GRIA1: variants seen among roughly 807,000 people sequenced by gnomAD.
The protein encoded by GRIA1 is glutamate ionotropic receptor AMPA type subunit 1, also known as glutamate receptor 1.
In GRIA1, 31 loss-of-function variants were observed where a neutral mutation model predicts 99.2. The ratio of observed to expected loss-of-function variants is 0.31; its 90% CI spans 0.23 to 0.42. The LOEUF is 0.42. Ranked by LOEUF, GRIA1 falls within the 10% of genes least tolerant of loss-of-function variation. The pLI is 1.00. For missense variants in GRIA1, 782 were observed against 1,157.5 expected (o/e 0.68, Z 4.71); for synonymous variants, 438 against 432.4 (o/e 1.01, Z -0.16).
At chr5:153,662,305 C>A (rs985493798) in intron 5 of GRIA1, among the ~76,000 whole-genome samples, 4 of 152,200 alleles carry the variant, frequency 2.6e-5, no homozygotes, top group Admixed American at 6.5e-5. Flanking sequence ...GCAAGAAGGA[C>A]TAAGAAGCAT....
rs1426434279 is a variant in GRIA1 at position 153,645,293 on chromosome 5, G to A, written c.221-1635G>A. Among the ~76,000 whole-genome samples, 3 of 152,074 alleles carry A rather than the reference G, an allele frequency of 2.0e-5. No individual in the cohort carries two copies. In the East Asian group the frequency reaches 5.8e-4, roughly 29 times the overall value. ...TGCAGATGGTATGCTGGTTTTCAGT[G>A]GGAGTAGGACAGATGGGTTATATGG... On this transcript the variant is annotated intron_variant, in intron 2 of 15. Coordinates refer to ENST00000285900, the MANE Select transcript of GRIA1 (RefSeq NM_000827.4).
chr5:153,507,735 A>G (rs370564885), intron 2 of GRIA1, among the ~76,000 whole-genome samples: 32 of 152,260 alleles, frequency 2.1e-4, no homozygotes, highest in African/African-American at 7.2e-4. Context: ...CTGATCATCA[A>G]GCTTCTTGTC....
intron 11 of GRIA1, among the ~76,000 whole-genome samples, chr5:153,726,616 C>G (rs571022238): frequency 6.6e-6 from 1 of 152,148 alleles, no homozygotes; most frequent in African/African-American, 2.4e-5. Flanking sequence ...AACACCTCTA[C>G]GCAAATAAAC....
Position 153,770,287 on chromosome 5 carries a change from T to C in GRIA1, c.2142T>C (p.Tyr714=). 6.2e-7 allele frequency: 1 copy of C among 1,614,020 alleles called. No individual in the cohort carries two copies. The highest frequency in any genetic ancestry group is 8.5e-7 in the Non-Finnish European group (1 of 1,179,946). Residue 714 remains tyrosine (Y), a synonymous_variant, in exon 13 of 16, where the codon TAT becomes TAC. Transcript: ENST00000285900. ...MIRVRKSKGK[Y]AYLLESTMNE... ...GAGTGAGGAAATCCAAAGGCAAATA[T>C]GCCTACCTCCTGGAGTCCACCATGA...
intron 2 of GRIA1, among the ~76,000 whole-genome samples, chr5:153,620,488 A>T (rs536693725): frequency 6.6e-6 from 1 of 152,268 alleles, no homozygotes; most frequent in East Asian, 1.9e-4. Context: ...GCGGTGGGGA[A>T]ATCTCAAGAA....
At chr5:153,762,650 C>T (rs1763260800) in intron 11 of GRIA1, among the ~76,000 whole-genome samples, 1 of 152,134 alleles carries the variant, frequency 6.6e-6, no homozygotes, top group Admixed American at 6.5e-5. Flanking sequence ...TCCCTAACCC[C>T]ATGTGAACCT....
intron 5 of GRIA1, among the ~76,000 whole-genome samples, chr5:153,672,180 A>AG (rs978352156): frequency 1.3e-5 from 2 of 150,006 alleles, no homozygotes; most frequent in African/African-American, 4.9e-5. Context: ...AACTCACCTC[A>AG]GGGTCATGCC....
At chr5:153,794,161 C>T (rs1765485670) in intron 13 of GRIA1, among the ~76,000 whole-genome samples, 1 of 152,148 alleles carries the variant, frequency 6.6e-6, no homozygotes, top group African/African-American at 2.4e-5. Flanking sequence ...ATGTGAGAAA[C>T]ACTCAGAGGA....
In GRIA1 at chr5:153,633,105, A is replaced by G. The variant is rs539967956; in HGVS notation, c.221-13823A>G. On this transcript the variant is annotated intron_variant, in intron 2 of 15. Transcript: ENST00000285900. ...TGTTAGGAATGAGGCTGGAGAGTGA[A>G]TCAGGGGCAGGGAGGCTCCTGCTCA... 3.3e-5 allele frequency among the ~76,000 whole-genome samples: 5 copies of G among 150,814 alleles called. No individual in the cohort carries two copies. The East Asian group carries it at 9.7e-4, about 29-fold the overall frequency.
chr5:153,540,129 T>G (rs957313566), intron 2 of GRIA1, among the ~76,000 whole-genome samples: 2 of 152,218 alleles, frequency 1.3e-5, no homozygotes, highest in Admixed American at 6.5e-5. Flanking sequence ...AGCCAGCCAG[T>G]GCACGTGGAG....
intron 2 of GRIA1, among the ~76,000 whole-genome samples, chr5:153,535,090 T>C (rs1482441878): frequency 3.3e-5 from 5 of 152,034 alleles, no homozygotes. Context: ...CCTGGCAAAG[T>C]TCTGTATCTT....
chr5:153,694,183 T>C (rs1757944995), intron 8 of GRIA1, among the ~76,000 whole-genome samples: 1 of 152,236 alleles, frequency 6.6e-6, no homozygotes, highest in Non-Finnish European at 1.5e-5. Flanking sequence ...TAAGTAGTGC[T>C]AGCTTTGAAG....
intron 2 of GRIA1, among the ~76,000 whole-genome samples, chr5:153,520,298 T>C (rs1253056954): frequency 6.6e-6 from 1 of 152,214 alleles, no homozygotes; most frequent in Non-Finnish European, 1.5e-5. Context: ...GAGGTGAATG[T>C]GCTGGCCCAC....
intron 13 of GRIA1, among the ~76,000 whole-genome samples, chr5:153,792,180 G>A (rs1218986655): frequency 6.6e-6 from 1 of 152,170 alleles, no homozygotes; most frequent in African/African-American, 2.4e-5. Flanking sequence ...TTTTTAGACA[G>A]TCCCTTGTTG....
chr5:153,639,214 A>G (rs1753610727), intron 2 of GRIA1, among the ~76,000 whole-genome samples: 1 of 152,170 alleles, frequency 6.6e-6, no homozygotes, highest in East Asian at 1.9e-4. Context: ...AGGTCTTGTG[A>G]GACCAGCTAG....
At chr5:153,594,034 A>G (rs1159085026) in intron 2 of GRIA1, among the ~76,000 whole-genome samples, 1 of 152,138 alleles carries the variant, frequency 6.6e-6, no homozygotes, top group Non-Finnish European at 1.5e-5. Flanking sequence ...TGCACACATT[A>G]TTTCATTATC....
intron 11 of GRIA1, among the ~76,000 whole-genome samples, chr5:153,711,268 C>G (rs4485972): frequency 0.69 from 104,730 of 151,986 alleles, 36,399 homozygotes; most frequent in East Asian, 0.96. Flanking sequence ...AAATGAATTG[C>G]GGCAGAGAAG....
intron 2 of GRIA1, among the ~76,000 whole-genome samples, chr5:153,608,011 A>G (rs923389553): frequency 5.9e-5 from 9 of 151,978 alleles, no homozygotes; most frequent in Admixed American, 5.2e-4. Flanking sequence ...TTTATTTTAC[A>G]TTCTCTATGG....
At chr5:153,726,839 C>T (rs374127892) in intron 11 of GRIA1, among the ~76,000 whole-genome samples, 2 of 152,152 alleles carry the variant, frequency 1.3e-5, no homozygotes, top group Non-Finnish European at 2.9e-5. Flanking sequence ...CCTTCTGAAA[C>T]TATTCCAATC....
Sources: gnomAD v4.1 joint callset for allele counts (sites outside exome capture counted in the v4.1 genomes callset) on GRCh38, gnomAD v4.1.1 for gene constraint, MANE v1.5 for transcripts, NCBI Gene and HGNC (gene_info 2026-07-23, HGNC 2026-07-21) for gene names.